Variants in PPEF1 observed in about 807,000 individuals in gnomAD.
The protein encoded by PPEF1 is protein phosphatase with EF-hand domain 1, also known as serine/threonine-protein phosphatase with EF-hands 1.
PPEF1 carries 12 observed loss-of-function variants against 53.3 expected under a neutral mutation model. The ratio of observed to expected loss-of-function variants is 0.23; its 90% CI spans 0.14 to 0.36. The LOEUF (loss-of-function observed/expected upper bound fraction) is 0.36, where lower values mean the gene tolerates loss of function less well. PPEF1 is among the 10% of genes least tolerant of loss of function. PPEF1 has a pLI of 1.00. For synonymous variants in PPEF1, 165 were observed against 176.7 expected (o/e 0.93, Z 0.52); for missense variants, 334 against 490.4 (o/e 0.68, Z 3.01).
At chrX:18,806,631 G>C (rs2046672407) in intron 12 of PPEF1, 86 bp downstream of exon 12, 1 of 905,109 alleles carries the variant, frequency 1.1e-6, no homozygotes, top group African/African-American at 2.0e-5. Context: ...AGCCACGTGA[G>C]TGAAGAGAGT....
At chrX:18,735,590 A>G (rs2044957563) in intron 3 of PPEF1, among the ~76,000 whole-genome samples, 1 of 111,948 alleles carries the variant, frequency 8.9e-6, no homozygotes, top group South Asian at 3.7e-4. Context: ...CTTTTGGCTT[A>G]GGTTTGTCTT....
In PPEF1 at chrX:18,782,405, A is replaced by G; in HGVS notation, c.762+3A>G. Reference sequence around the variant, plus strand: ...AAGAAATTTTGCATAAATATAAGGTAAGACATGCTTTTTTTTTTTTTTTTA... The same window carrying G: ...AAGAAATTTTGCATAAATATAAGGTGAGACATGCTTTTTTTTTTTTTTTTA... On this transcript the variant is annotated splice_donor_region_variant and intron_variant, in intron 8 of 15. Coordinates refer to ENST00000470157, the MANE Select transcript of PPEF1 (RefSeq NM_001377996.1). 9.1e-7 allele frequency: 1 copy of G among 1,101,649 alleles called. No homozygotes were observed. Among genetic ancestry groups the G allele is most frequent in the Non-Finnish European group, 1.2e-6 (1 of 822,133 alleles). The allele number at this position is 1,101,649 out of a possible 1,213,427, so 90.8% of individuals were successfully genotyped here.
Position 18,694,438 on chromosome X carries a change from C to A in PPEF1, c.-313+3344C>A, listed in dbSNP as rs140216866. On this transcript the variant is annotated intron_variant, in intron 4 of 21. Transcript: ENST00000361511. ...TCGAGTTGCTCCACATTCTAGCCAG[C>A]ACTGGATATTGTATTAAAAAAAAAA... 5.4e-3 allele frequency among the ~76,000 whole-genome samples: 601 copies of A among 110,694 alleles called. 6 individuals carry two copies. Among genetic ancestry groups the A allele is most frequent in the Non-Finnish European group, 8.4e-3 (442 of 52,736 alleles).
chrX:18,736,994 A>G (rs2044998438), intron 3 of PPEF1, among the ~76,000 whole-genome samples: 1 of 111,250 alleles, frequency 9.0e-6, no homozygotes, highest in African/African-American at 3.3e-5. Flanking sequence ...ATCATTTTTT[A>G]TTACGTCTGT....
intron 12 of PPEF1, among the ~76,000 whole-genome samples, chrX:18,812,430 G>A (rs1417720048): frequency 1.8e-5 from 2 of 112,174 alleles, no homozygotes; most frequent in African/African-American, 6.5e-5. Flanking sequence ...TGAGTTGAAC[G>A]TTGCACTTCT....
At chrX:18,713,404 G>A (rs2044369635) in intron 1 of PPEF1, among the ~76,000 whole-genome samples, 1 of 92,541 alleles carries the variant, frequency 1.1e-5, no homozygotes, top group South Asian at 5.8e-4. Context: ...CTTGTTCAGA[G>A]TATTCCCTTA....
chrX:18,751,697 T>C (rs139969251), intron 4 of PPEF1, among the ~76,000 whole-genome samples: 2,747 of 112,237 alleles, frequency 0.024, 78 homozygotes, highest in African/African-American at 0.082. Context: ...GAAGAATTGC[T>C]TGAACCCAAA....
intron 6 of PPEF1, among the ~76,000 whole-genome samples, chrX:18,762,736 C>T (rs973229922): frequency 3.6e-5 from 4 of 111,643 alleles, no homozygotes; most frequent in Admixed American, 9.5e-5. Flanking sequence ...GGAGTATAGC[C>T]GTGAGAATGA....
At chrX:18,752,394 T>C (rs1179544046) in intron 4 of PPEF1, among the ~76,000 whole-genome samples, 1 of 111,328 alleles carries the variant, frequency 9.0e-6, no homozygotes, top group African/African-American at 3.3e-5. Context: ...TGTGTGCGTG[T>C]GTGGTGTATT....
chrX:18,686,370 A>AG (rs1483220344), intron 3 of PPEF1: 2 of 111,344 alleles, frequency 1.8e-5, no homozygotes, highest in African/African-American at 3.3e-5. Flanking sequence ...GCACCACACT[A>AG]GGGGGAGATA....
intron 10 of PPEF1, among the ~76,000 whole-genome samples, chrX:18,791,914 G>A (rs942831147): frequency 4.5e-5 from 5 of 111,665 alleles, no homozygotes; most frequent in African/African-American, 1.6e-4. Flanking sequence ...TTTGTCAAAT[G>A]CTTTTTCTGA....
intron 1 of PPEF1, among the ~76,000 whole-genome samples, chrX:18,726,072 A>G (rs990682447): frequency 1.8e-5 from 2 of 110,916 alleles, no homozygotes; most frequent in Non-Finnish European, 3.8e-5. Context: ...GAAATGGTGA[A>G]TGGCCAGGCG....
Position 18,767,348 on chromosome X carries a change from C to T in PPEF1, c.558+5772C>T, listed in dbSNP as rs768304612. On this transcript the variant is annotated intron_variant, in intron 6 of 15. Coordinates refer to ENST00000470157, the MANE Select transcript of PPEF1 (RefSeq NM_001377996.1). The stretch of plus-strand genomic sequence containing the variant: ...GATCATGAGGTCAGGAGTTCAAGAG[C>T]AGCCTGGCCAATATGGTGAAACCCT... 6.3e-5 allele frequency among the ~76,000 whole-genome samples: 7 copies of T among 111,865 alleles called. No individual in the cohort carries two copies. In the South Asian group the frequency reaches 2.6e-3, roughly 42 times the overall value.
chrX:18,683,823 A>C (rs1928965214), intron 1 of PPEF1, among the ~76,000 whole-genome samples: 1 of 111,868 alleles, frequency 8.9e-6, no homozygotes, highest in African/African-American at 3.2e-5. Context: ...ACTATTTTGC[A>C]CCCATGAGTT....
chrX:18,733,005 A>G (rs894393584), intron 2 of PPEF1, among the ~76,000 whole-genome samples: 3 of 111,581 alleles, frequency 2.7e-5, no homozygotes, highest in Non-Finnish European at 5.6e-5. Flanking sequence ...GGAGTTTGAG[A>G]CCTGCCTGGC....
chrX:18,696,692 T>C (rs1176010384), intron 4 of PPEF1, among the ~76,000 whole-genome samples: 1 of 111,743 alleles, frequency 8.9e-6, no homozygotes, highest in Non-Finnish European at 1.9e-5. Flanking sequence ...ACCCCAGTTT[T>C]GGAGACTACT....
chrX:18,679,197 C>T (rs748239006), upstream of PPEF1, among the ~76,000 whole-genome samples: 2 of 112,168 alleles, frequency 1.8e-5, no homozygotes, highest in South Asian at 7.4e-4. Context: ...CCTCAGCCTC[C>T]CGAGTACTTG....
intron 4 of PPEF1, among the ~76,000 whole-genome samples, chrX:18,750,803 C>T (rs2045426784): frequency 9.0e-6 from 1 of 111,680 alleles, no homozygotes; most frequent in African/African-American, 3.3e-5. Context: ...ATCTATCTTC[C>T]CATGTAGGTT....
At chrX:18,732,840 C>A (rs774125197) in intron 2 of PPEF1, among the ~76,000 whole-genome samples, 56 of 112,204 alleles carry the variant, frequency 5.0e-4, no homozygotes, top group African/African-American at 1.8e-3. Flanking sequence ...CCACCTTTCC[C>A]TTCCTTTCTT....
Sources: gnomAD v4.1 joint callset for allele counts (sites outside exome capture counted in the v4.1 genomes callset) on GRCh38, gnomAD v4.1.1 for gene constraint, MANE v1.5 for transcripts, NCBI Gene and HGNC (gene_info 2026-07-23, HGNC 2026-07-21) for gene names.